The following XYLT1 variants were observed in gnomAD, a reference collection of about 807,000 sequenced individuals.
XYLT1 encodes beta-D-xylosyltransferase 1.
In XYLT1, 36 loss-of-function variants were observed where a neutral mutation model predicts 91.3. The ratio of observed to expected loss-of-function variants is 0.39; its 90% confidence interval spans 0.30 to 0.52. The LOEUF (loss-of-function observed/expected upper bound fraction) is 0.52, where lower values mean the gene tolerates loss of function less well. Ranked by LOEUF, XYLT1 falls within the 20% of genes least tolerant of loss-of-function variation. The probability of loss-of-function intolerance (pLI) is 0.68; values close to 1 mark genes in which losing one functional copy is unlikely to be tolerated. For missense variants in XYLT1, 1,242 were observed against 1,284.5 expected, an observed-to-expected ratio of 0.97 and a Z score of 0.51; for synonymous variants, 588 against 532.0, an observed-to-expected ratio of 1.11 and a Z score of -1.45.
rs1046400257 is a variant in XYLT1 at position 17,102,551 on chromosome 16, G to T, written c.*6144C>A. ...TTGTTGTTGTTCTGCAAAATAAAAA[G>T]ACAGAAAAGGTGCAAAAAAGGGCAG... On this transcript the variant is annotated 3_prime_UTR_variant, in exon 12 of 12. Transcript: ENST00000261381. 2.0e-5 allele frequency: 3 copies of T among 152,454 alleles called. No individual in the cohort carries two copies. Among genetic ancestry groups the T allele is most frequent in the African/African-American group, 7.3e-5 (3 of 41,378 alleles). 9.4% of individuals were successfully genotyped at this position (152,454 alleles called of 1,614,324 possible).
chr16:17,214,870 T>C (rs1484305956), intron 3 of XYLT1, among the ~76,000 whole-genome samples: 2 of 152,220 alleles, frequency 1.3e-5, no homozygotes, highest in Non-Finnish European at 2.9e-5. Flanking sequence ...CAATCACCCT[T>C]TCTGTGAAGC....
At chr16:17,440,000 T>C (rs1361475005) in intron 1 of XYLT1, among the ~76,000 whole-genome samples, 1 of 152,202 alleles carries the variant, frequency 6.6e-6, no homozygotes, top group Admixed American at 6.5e-5. Context: ...AGGTGCATCT[T>C]AGGTGCTGTC....
intron 2 of XYLT1, among the ~76,000 whole-genome samples, chr16:17,330,491 A>G (rs2034878155): frequency 1.3e-5 from 2 of 152,132 alleles, no homozygotes; most frequent in African/African-American, 4.8e-5. Flanking sequence ...GTGCCATAGA[A>G]AATGTCCCTG....
At chr16:17,468,365 A>G (rs1324341601) in intron 1 of XYLT1, among the ~76,000 whole-genome samples, 1 of 151,996 alleles carries the variant, frequency 6.6e-6, no homozygotes, top group Non-Finnish European at 1.5e-5. Context: ...AAGAGAACCA[A>G]AAGAAAAAAA....
intron 5 of XYLT1, among the ~76,000 whole-genome samples, chr16:17,160,314 C>T (rs1005418732): frequency 6.6e-6 from 1 of 152,208 alleles, no homozygotes; most frequent in South Asian, 2.1e-4. Flanking sequence ...AATCAATGCA[C>T]GTCGTCCTGC....
intron 2 of XYLT1, among the ~76,000 whole-genome samples, chr16:17,339,139 T>C (rs1043234986): frequency 6.6e-6 from 1 of 152,232 alleles, no homozygotes; most frequent in Admixed American, 6.5e-5. Flanking sequence ...TTGCTATGAT[T>C]TCTCTCTCCA....
At chr16:17,305,528 G>T (rs573486214) in intron 2 of XYLT1, among the ~76,000 whole-genome samples, 58 of 149,986 alleles carry the variant, frequency 3.9e-4, no homozygotes, top group African/African-American at 1.4e-3. Flanking sequence ...CGATTCTTCT[G>T]CCTCAGCCTC....
chr16:17,241,335 C>A (rs2033343084), intron 3 of XYLT1, among the ~76,000 whole-genome samples: 1 of 152,218 alleles, frequency 6.6e-6, no homozygotes, highest in Admixed American at 6.5e-5. Context: ...GCAATGGCAA[C>A]AGCACCTCTA....
intron 1 of XYLT1, among the ~76,000 whole-genome samples, chr16:17,418,465 G>A (rs1473220537): frequency 1.3e-5 from 2 of 152,006 alleles, no homozygotes; most frequent in Non-Finnish European, 2.9e-5. Flanking sequence ...TTGGGAGGAA[G>A]AATACAATAT....
At chr16:17,369,935 G>A (rs1277771990) in intron 1 of XYLT1, among the ~76,000 whole-genome samples, 1 of 152,282 alleles carries the variant, frequency 6.6e-6, no homozygotes, top group East Asian at 1.9e-4. Context: ...CCAAAAACGT[G>A]CAAAGGGGCT....
At chr16:17,239,313 TTCATCCATCCATCCATCCA>T (rs1338996804) in intron 3 of XYLT1, among the ~76,000 whole-genome samples, 2 of 119,080 alleles carry the variant, frequency 1.7e-5, no homozygotes, top group Non-Finnish European at 3.8e-5. Context: ...ATCCAGTCCA[TTCATCCATCCATCCATCCA>T]TCATCCATCC....
At chr16:17,344,365 C>T (rs1034251360) in intron 2 of XYLT1, among the ~76,000 whole-genome samples, 6 of 150,044 alleles carry the variant, frequency 4.0e-5, no homozygotes, top group African/African-American at 1.2e-4. Context: ...TGGTGGCGGG[C>T]GCCTGTAGTC....
In XYLT1 at chr16:17,312,548, G is replaced by A. The variant is rs913883395; in HGVS notation, c.402+45464C>T. On this transcript the variant is annotated intron_variant, in intron 2 of 11. Transcript: ENST00000261381. This position sits in a 1 kb window ranked among gnomAD's most constrained non-coding sequence, Gnocchi z 4.4. ...ACTCCCTCACCCAGCTTCCCCCAAT[G>A]GTGACATCTTATGTAACTGCAGTGC... Among the ~76,000 whole-genome samples, 4 of 152,164 alleles carry A rather than the reference G, an allele frequency of 2.6e-5. No homozygotes were observed. Among genetic ancestry groups the A allele is most frequent in the African/African-American group, 7.2e-5 (3 of 41,426 alleles).
At chr16:17,406,051 G>A (rs2036029417) in intron 1 of XYLT1, among the ~76,000 whole-genome samples, 1 of 152,096 alleles carries the variant, frequency 6.6e-6, no homozygotes, top group African/African-American at 2.4e-5. Flanking sequence ...CAGGCGTGGT[G>A]GTGCATGCCT....
chr16:17,251,570 C>A lies in XYLT1; in HGVS notation c.913+7418G>T, dbSNP rs188473941. Among the ~76,000 whole-genome samples, 806 of 152,284 alleles carry A rather than the reference C, an allele frequency of 5.3e-3. 28 individuals are homozygous for A. Among genetic ancestry groups the A allele is most frequent in the Admixed American group, 0.045 (696 of 15,300 alleles). ...GAGCAACGCAAGGAGCCAGCAGGGC[C>A]TTTCTTGGGACATTTTAACTCAAGA... On this transcript the variant is annotated intron_variant, in intron 3 of 11. Coordinates refer to ENST00000261381, the MANE Select transcript of XYLT1 (RefSeq NM_022166.4).
intron 1 of XYLT1, among the ~76,000 whole-genome samples, chr16:17,460,710 G>A (rs1401359095): frequency 2.0e-5 from 3 of 152,136 alleles, no homozygotes; most frequent in South Asian, 2.1e-4. Flanking sequence ...AGCAAGCACC[G>A]TGGACCCTGT....
chr16:17,263,649 G>T (rs1324264131), intron 2 of XYLT1, among the ~76,000 whole-genome samples: 1 of 151,862 alleles, frequency 6.6e-6, no homozygotes, highest in Admixed American at 6.6e-5. Context: ...CAGAGTCACT[G>T]TCATTTTCTA....
At chr16:17,387,705 G>A (rs2035764021) in intron 1 of XYLT1, among the ~76,000 whole-genome samples, 1 of 151,780 alleles carries the variant, frequency 6.6e-6, no homozygotes, top group Non-Finnish European at 1.5e-5. Context: ...TACCCTATAT[G>A]TGAGTCCTGC....
intron 1 of XYLT1, among the ~76,000 whole-genome samples, chr16:17,416,041 G>A (rs1372732715): frequency 6.6e-6 from 1 of 152,232 alleles, no homozygotes; most frequent in East Asian, 1.9e-4. Context: ...GGCAATGAGA[G>A]GAGAGCAGAG....
Sources: allele counts gnomAD v4.1 joint callset (sites outside exome capture counted in the v4.1 genomes callset), GRCh38; gene constraint gnomAD v4.1.1; non-coding constraint Gnocchi (gnomAD v3.1); transcripts MANE v1.5; gene names NCBI Gene and HGNC (gene_info 2026-07-23, HGNC 2026-07-21).